The following HGS variants were observed in gnomAD, a reference collection of about 807,000 sequenced individuals.
The protein encoded by HGS is hepatocyte growth factor-regulated tyrosine kinase substrate.
In HGS, 63 loss-of-function variants were observed where a neutral mutation model predicts 109.7. The observed-to-expected ratio is 0.57, with a 90% CI of 0.47 to 0.71. HGS has a LOEUF of 0.71. HGS is among the 30% of genes least tolerant of loss of function. The pLI, the probability that HGS is intolerant of heterozygous loss-of-function variation, is 0.00. For synonymous variants in HGS, 546 were observed against 437.3 expected, an observed-to-expected ratio of 1.25 and a Z score of -3.10; for missense variants, 995 against 1,068.3, an observed-to-expected ratio of 0.93 and a Z score of 0.96.
intron 6 of HGS, 130 bp downstream of exon 6, chr17:81,690,364 G>A: frequency 1.0e-6 from 1 of 970,114 alleles, no homozygotes; most frequent in South Asian, 1.5e-5. Flanking sequence ...GAGGATGCCT[G>A]TGTGTCCTGG....
At chr17:81,690,518 C>A in intron 6 of HGS, 156 bp from the exon 7 acceptor site, 2 of 693,310 alleles carry the variant, frequency 2.9e-6, no homozygotes, top group Non-Finnish European at 4.7e-6. Context: ...AGCTTCACCC[C>A]AGGCCACGCC....
chr17:81,700,577 C>T lies in HGS; in HGVS notation c.1993C>T (p.Pro665Ser), dbSNP rs920698563. The T allele has an allele frequency of 1.9e-6, 3 of 1,608,640 alleles. No homozygotes were observed. The highest frequency in any genetic ancestry group is 2.2e-5 in the East Asian group (1 of 44,838). Residue 665 changes from proline (P) to serine (S), a missense_variant, in exon 19 of 22, where the codon CCT becomes TCT. Physicochemically the swap from Pro to Ser is moderately conservative, Grantham distance 74. Transcript: ENST00000329138. ...CAGCCCCGCTTACTCATCCTACCAGCCTACTCCCACAGCGGGCTACCAGGT... is the reference window on the plus strand; with the variant it reads ...CAGCCCCGCTTACTCATCCTACCAGTCTACTCCCACAGCGGGCTACCAGGT... ...TASPAYSSYQPTPTAGYQNVA... is the reference protein window; with the variant it reads ...TASPAYSSYQSTPTAGYQNVA...
rs1445453657 is a variant in HGS at position 81,691,940 on chromosome 17, C to T, written c.662+369C>T. 3 of 192,444 alleles carry T rather than the reference C, an allele frequency of 1.6e-5. No homozygotes were observed. The highest frequency in any genetic ancestry group is 5.4e-5 in the Admixed American group (1 of 18,534). 11.9% of individuals were successfully genotyped at this position (192,444 alleles called of 1,614,324 possible). ...CCAGTGCCTCAGCGGTGGGAACCTG[C>T]GGGGCCGCGGCCGGTGCCTCGGCGG... On this transcript the variant is annotated intron_variant, in intron 8 of 21. Transcript: ENST00000329138. The surrounding 1 kb of genome is among the most constrained non-coding windows in gnomAD (Gnocchi z 5.3).
chr17:81,695,953 G>A lies in HGS; in HGVS notation c.1347G>A (p.Met449Ile), dbSNP rs2037140178. 2 of 1,579,546 alleles carry A rather than the reference G, an allele frequency of 1.3e-6. No individual in the cohort carries two copies. Among genetic ancestry groups the A allele is most frequent in the Admixed American group, 1.7e-5 (1 of 58,192 alleles). Residue 449 changes from methionine to isoleucine, a missense_variant, in exon 15 of 22, where the codon ATG becomes ATA. Met to Ile is a conservative substitution (Grantham distance 10). This residue lies in a region of HGS where 163 missense variants were observed against 217.8 expected (regional missense o/e 0.75). Coordinates refer to ENST00000329138, the MANE Select transcript of HGS (RefSeq NM_004712.5). Reference protein sequence around the residue: ...VLSLFQSINGMHPQLLELLNQ... With the variant: ...VLSLFQSINGIHPQLLELLNQ... ...CACTCTTCCAGTCCATCAACGGCATGCACCCGCAGCTGCTGGAGCTGCTCA... is the reference window on the plus strand; with the variant it reads ...CACTCTTCCAGTCCATCAACGGCATACACCCGCAGCTGCTGGAGCTGCTCA...
rs559577626 is a variant in HGS at position 81,699,998 on chromosome 17, C to T, written c.1883-469C>T. Among the ~76,000 whole-genome samples, 11 of 151,328 alleles carry T rather than the reference C, an allele frequency of 7.3e-5. No homozygotes were observed. In the East Asian group the frequency reaches 1.8e-3, roughly 24 times the overall value. ...GCTGAGGCAGGAGAATTGCTTCAAC[C>T]CAGGAAGCAGAGGTTGCAGTGAGCT... is the stretch of plus-strand genomic sequence containing the variant. On this transcript the variant is annotated intron_variant, in intron 18 of 21. Coordinates refer to ENST00000329138, the MANE Select transcript of HGS (RefSeq NM_004712.5).
At chr17:81,690,587 G>T (rs1250139891) in intron 6 of HGS, 87 bp from the exon 7 acceptor site, 1 of 1,346,266 alleles carries the variant, frequency 7.4e-7, no homozygotes, top group Non-Finnish European at 1.0e-6. Context: ...CTCTGGGTCC[G>T]TTGCCTTCTG....
At chr17:81,696,138 A>G in intron 15 of HGS, 139 bp downstream of exon 15, 1 of 924,768 alleles carries the variant, frequency 1.1e-6, no homozygotes, top group Non-Finnish European at 1.6e-6. Context: ...GAGAGTGTCA[A>G]CAGGAGGTGG....
chr17:81,693,827 C>A, intron 10 of HGS, 43 bp from the exon 11 acceptor site: 1 of 1,563,434 alleles, frequency 6.4e-7, no homozygotes. Flanking sequence ...GCCGGAGGGG[C>A]GTCACGTGCA....
intron 18 of HGS, chr17:81,698,317 GTCTT>G (rs1225851927): frequency 1.3e-5 from 2 of 152,204 alleles, no homozygotes; most frequent in Non-Finnish European, 2.9e-5. Flanking sequence ...TAGAAATGAG[GTCTT>G]TCTGTGTTGC....
intron 14 of HGS, 178 bp from the exon 15 acceptor site, chr17:81,695,608 G>A (rs574360493): frequency 3.0e-4 from 192 of 638,054 alleles, no homozygotes; most frequent in Non-Finnish European, 3.8e-4. Flanking sequence ...CTTGCAGCTG[G>A]ACAAGGACCC....
At position 81,691,713 on chromosome 17, in the gene HGS, C is replaced by A; in HGVS notation, c.662+142C>A. 8.8e-7 allele frequency: 1 copy of A among 1,130,748 alleles called. No individual in the cohort carries two copies. Among genetic ancestry groups the A allele is most frequent in the Non-Finnish European group, 1.3e-6 (1 of 787,038 alleles). 70.0% of individuals were successfully genotyped at this position (1,130,748 alleles called of 1,614,324 possible). Reference sequence around the variant, plus strand: ...AGCAGCTGGAAGGTCAAGGGAAACCCAGGGTGGCCGCATGCCCTCGGACCC... The same window carrying A: ...AGCAGCTGGAAGGTCAAGGGAAACCAAGGGTGGCCGCATGCCCTCGGACCC... On this transcript the variant is annotated intron_variant, in intron 8 of 21. Coordinates refer to ENST00000329138, the MANE Select transcript of HGS (RefSeq NM_004712.5). This position sits in a 1 kb window ranked among gnomAD's most constrained non-coding sequence, Gnocchi z 5.3.
At position 81,690,109 on chromosome 17, in the gene HGS, A is replaced by C. The variant is rs1598745411; in HGVS notation, c.416-73A>C. The C allele has an allele frequency of 1.1e-5, 17 of 1,519,958 alleles. No homozygotes were observed. The East Asian group carries it at 3.9e-4, about 35-fold the overall frequency. The allele number at this position is 1,519,958 out of a possible 1,614,324, so 94.2% of individuals were successfully genotyped here. ...TCACTGCTGCGTTGCAGCTGCCGAG[A>C]GTGAGGAAGGGGCTCCCGGAAGTCT... On this transcript the variant is annotated intron_variant, in intron 5 of 21. Transcript: ENST00000329138.
intron 11 of HGS, 147 bp from the exon 12 acceptor site, chr17:81,694,668 C>T (rs1474451756): frequency 1.2e-6 from 1 of 859,294 alleles, no homozygotes; most frequent in East Asian, 2.6e-5. Flanking sequence ...GATGGCTGCT[C>T]AGATGCCAGG....
chr17:81,685,128 T>G, intron 1 of HGS: 2 of 951,724 alleles, frequency 2.1e-6, no homozygotes, highest in Non-Finnish European at 2.5e-6. Flanking sequence ...AGCACTTGGC[T>G]TGGAGCAAGG....
At position 81,690,228 on chromosome 17, in the gene HGS, C is replaced by A. The variant is rs773071692; in HGVS notation, c.462C>A (p.Ala154=). 6.2e-7 allele frequency: 1 copy of A among 1,613,798 alleles called. No homozygotes were observed. Among genetic ancestry groups the A allele is most frequent in the South Asian group, 1.1e-5 (1 of 91,002 alleles). Residue 154 remains alanine (A), a synonymous_variant, in exon 6 of 22, where the codon GCC becomes GCA. Coordinates refer to ENST00000329138, the MANE Select transcript of HGS (RefSeq NM_004712.5). Reference sequence around the variant, plus strand: ...AAGAGAGCGATGCCATGTTTGCTGCCGAGAGAGTGAGTGTGGGCGGCCGCC... The same window carrying A: ...AAGAGAGCGATGCCATGTTTGCTGCAGAGAGAGTGAGTGTGGGCGGCCGCC... ...EFKESDAMFA[A]ERAPDWVDAE...
chr17:81,686,216 C>A, intron 2 of HGS, 96 bp from the exon 3 acceptor site: 1 of 981,484 alleles, frequency 1.0e-6, no homozygotes, highest in Non-Finnish European at 1.6e-6. Context: ...CAGGCGTGAG[C>A]CACTGCACCT....
chr17:81,701,939 C>T lies in HGS; in HGVS notation c.*321C>T. On this transcript the variant is annotated 3_prime_UTR_variant, in exon 22 of 22. Transcript: ENST00000329138. ...CCTCACCCCCCAAGCAGCCTGTGCC[C>T]TCTGGCCGCACTGTGAGCTGGCTGT... 4.1e-6 allele frequency: 1 copy of T among 241,160 alleles called. No individual in the cohort carries two copies. The highest frequency in any genetic ancestry group is 8.0e-6 in the Non-Finnish European group (1 of 125,236). 14.9% of individuals were successfully genotyped at this position (241,160 alleles called of 1,614,324 possible). A position where few individuals can be genotyped will look rare whatever the true frequency, so the allele number is the denominator to read the frequency against.
chr17:81,691,442 TAC>T lies in HGS; in HGVS notation c.538-3_538-2del. 6.2e-7 allele frequency: 1 copy of T among 1,613,870 alleles called. No individual in the cohort carries two copies. The highest frequency in any genetic ancestry group is 1.6e-4 in the Middle Eastern group (1 of 6,062). ...GTGACCAGGCCCGCCCGCCCCATCTTACAGCACCACTGCCGGGCGTGTGGGCA... is the reference window on the plus strand; with the variant it reads ...GTGACCAGGCCCGCCCGCCCCATCTTAGCACCACTGCCGGGCGTGTGGGCA... On this transcript the variant is annotated splice_polypyrimidine_tract_variant and splice_region_variant and intron_variant, in intron 7 of 21. Transcript: ENST00000329138. The surrounding 1 kb of genome is among the most constrained non-coding windows in gnomAD (Gnocchi z 5.3).
chr17:81,700,472 A>C lies in HGS; in HGVS notation c.1888A>C (p.Ser630Arg), dbSNP rs968919551. 6.4e-7 allele frequency: 1 copy of C among 1,567,582 alleles called. No homozygotes were observed. The highest frequency in any genetic ancestry group is 8.7e-7 in the Non-Finnish European group (1 of 1,154,976). The change falls in exon 19 of 22, where the codon AGC (serine) becomes CGC (arginine). Residue 630 changes from serine (S) to arginine (R), a missense_variant. Around this residue, in one of 6 missense-constraint regions of HGS, gnomAD observed 326 missense variants for 309.7 expected, o/e 1.05. Transcript: ENST00000329138. Reference protein sequence around the residue: ...PSMPSTAADPSMVSAYMYPAG... With the variant: ...PSMPSTAADPRMVSAYMYPAG... ...CCCTGTCTTGTTTGTCACAGATCCC[A>C]GCATGGTGAGTGCCTACATGTACCC...
Sources: gnomAD v4.1 joint callset for allele counts (sites outside exome capture counted in the v4.1 genomes callset) on GRCh38, gnomAD v4.1.1 for gene constraint, gnomAD v4.1.1 regional missense constraint, Gnocchi (gnomAD v3.1) non-coding constraint, MANE v1.5 for transcripts, NCBI Gene and HGNC (gene_info 2026-07-23, HGNC 2026-07-21) for gene names.